Variants in SLC24A3 observed in about 807,000 individuals in gnomAD.
SLC24A3 encodes sodium/potassium/calcium exchanger 3.
SLC24A3 carries 28 observed loss-of-function variants against 75.8 expected under a neutral mutation model. The observed-to-expected ratio is 0.37, with a 90% confidence interval of 0.27 to 0.51. SLC24A3 has a LOEUF of 0.51. Among genes scored for constraint, SLC24A3 ranks in the 20% least tolerant of loss-of-function variants. The pLI, the probability that SLC24A3 is intolerant of heterozygous loss-of-function variation, is 0.94. For missense variants in SLC24A3, 663 were observed against 847.8 expected, an observed-to-expected ratio of 0.78 and a Z score of 2.71; for synonymous variants, 372 against 334.1, an observed-to-expected ratio of 1.11 and a Z score of -1.24.
intron 2 of SLC24A3, among the ~76,000 whole-genome samples, chr20:19,481,928 A>G (rs1194960956): frequency 1.3e-5 from 2 of 152,026 alleles, no homozygotes; most frequent in African/African-American, 4.8e-5. Flanking sequence ...TTCAAATGCT[A>G]CATGTCCAAA....
chr20:19,673,518 C>G, intron 8 of SLC24A3, 83 bp from the exon 9 acceptor site: 1 of 1,218,266 alleles, frequency 8.2e-7, no homozygotes, highest in Non-Finnish European at 1.2e-6. Context: ...TGGCCGTTTG[C>G]ATCAAATATG....
intron 2 of SLC24A3, among the ~76,000 whole-genome samples, chr20:19,359,811 C>A (rs1295932711): frequency 1.3e-5 from 2 of 151,962 alleles, no homozygotes; most frequent in African/African-American, 4.8e-5. Flanking sequence ...GGAGGTAATC[C>A]CAGGAAACAC....
intron 1 of SLC24A3, among the ~76,000 whole-genome samples, chr20:19,246,606 T>C (rs929564847): frequency 1.3e-5 from 2 of 152,200 alleles, no homozygotes; most frequent in African/African-American, 4.8e-5. Flanking sequence ...AAGAGATGTA[T>C]AACACTAAAA....
At chr20:19,238,983 C>T (rs1170549877) in intron 1 of SLC24A3, among the ~76,000 whole-genome samples, 1 of 151,620 alleles carries the variant, frequency 6.6e-6, no homozygotes, top group East Asian at 1.9e-4. Context: ...CACACACACA[C>T]ACACACCTGC....
intron 2 of SLC24A3, among the ~76,000 whole-genome samples, chr20:19,380,063 A>G (rs1986155151): frequency 6.6e-6 from 1 of 152,204 alleles, no homozygotes; most frequent in South Asian, 2.1e-4. Context: ...ACAATAATGG[A>G]GGCAGGTAAT....
chr20:19,280,170 G>A (rs887909087), intron 1 of SLC24A3, among the ~76,000 whole-genome samples: 1 of 152,152 alleles, frequency 6.6e-6, no homozygotes, highest in Non-Finnish European at 1.5e-5. Flanking sequence ...CCCCTTCAGT[G>A]TGCTCTTTAG....
chr20:19,541,392 C>T (rs1020855317), intron 3 of SLC24A3, among the ~76,000 whole-genome samples: 2 of 152,212 alleles, frequency 1.3e-5, no homozygotes, highest in African/African-American at 4.8e-5. Context: ...TTTAGGAAAG[C>T]CCATGTCCAG....
intron 6 of SLC24A3, among the ~76,000 whole-genome samples, chr20:19,602,155 CA>C (rs1393616595): frequency 3.3e-5 from 5 of 152,158 alleles, no homozygotes; most frequent in African/African-American, 1.2e-4. Context: ...GCCTGGGCGA[CA>C]AGAGCAAAAC....
At chr20:19,249,802 G>C (rs1399662203) in intron 1 of SLC24A3, among the ~76,000 whole-genome samples, 1 of 152,166 alleles carries the variant, frequency 6.6e-6, no homozygotes, top group Non-Finnish European at 1.5e-5. Context: ...GCGGACTGAA[G>C]CATTAGGGGC....
At chr20:19,570,111 G>T (rs1027730087) in intron 3 of SLC24A3, among the ~76,000 whole-genome samples, 1 of 152,176 alleles carries the variant, frequency 6.6e-6, no homozygotes, top group Non-Finnish European at 1.5e-5. Flanking sequence ...AGTTGTACAA[G>T]CTTCTGCTTC....
chr20:19,557,865 A>G (rs2030814824), intron 3 of SLC24A3, among the ~76,000 whole-genome samples: 1 of 152,152 alleles, frequency 6.6e-6, no homozygotes, highest in Admixed American at 6.5e-5. Context: ...ACCTAAATGG[A>G]ATGTTTTGAA....
At chr20:19,485,108 A>G (rs1018650399) in intron 2 of SLC24A3, among the ~76,000 whole-genome samples, 1 of 152,086 alleles carries the variant, frequency 6.6e-6, no homozygotes, top group Non-Finnish European at 1.5e-5. Context: ...TTTGGATAGT[A>G]TTTTATTTCT....
intron 2 of SLC24A3, among the ~76,000 whole-genome samples, chr20:19,500,977 T>G (rs1458821208): frequency 6.6e-6 from 1 of 152,226 alleles, no homozygotes; most frequent in African/African-American, 2.4e-5. Flanking sequence ...CCACTACCTC[T>G]TGCATTATTT....
chr20:19,647,099 C>T (rs889855165), intron 6 of SLC24A3, among the ~76,000 whole-genome samples: 2 of 152,112 alleles, frequency 1.3e-5, no homozygotes, highest in African/African-American at 4.8e-5. Context: ...CTAGGTGCAG[C>T]TCTCAACCAA....
chr20:19,544,470 C>T lies in SLC24A3; in HGVS notation c.348+28906C>T, dbSNP rs541369126. ...AAAAACAAAATAAGCATAAAAGTAA[C>T]GTGAAATTCTAGCGCTTGTGTACAG... On this transcript the variant is annotated intron_variant, in intron 3 of 16. Coordinates refer to ENST00000328041, the MANE Select transcript of SLC24A3 (RefSeq NM_020689.4). 1.7e-4 allele frequency among the ~76,000 whole-genome samples: 26 copies of T among 152,234 alleles called. 1 individual carries two copies. The highest frequency in any genetic ancestry group is 6.0e-4 in the African/African-American group (25 of 41,546).
chr20:19,263,260 G>T (rs933228637), intron 1 of SLC24A3, among the ~76,000 whole-genome samples: 2 of 152,118 alleles, frequency 1.3e-5, no homozygotes, highest in African/African-American at 4.8e-5. Flanking sequence ...AATGTGGGCT[G>T]GAGAGAAGGA....
intron 7 of SLC24A3, among the ~76,000 whole-genome samples, chr20:19,659,713 G>A (rs906332352): frequency 1.3e-5 from 2 of 152,158 alleles, no homozygotes; most frequent in Non-Finnish European, 2.9e-5. Flanking sequence ...GTTTGCCAGA[G>A]CAGGTGTCTG....
At chr20:19,707,621 A>C (rs938002614) in intron 15 of SLC24A3, among the ~76,000 whole-genome samples, 7 of 152,134 alleles carry the variant, frequency 4.6e-5, no homozygotes, top group Non-Finnish European at 1.0e-4. Context: ...GCTGATGACA[A>C]AAAGAGATTC....
At chr20:19,492,290 G>A (rs1381458243) in intron 2 of SLC24A3, among the ~76,000 whole-genome samples, 4 of 152,158 alleles carry the variant, frequency 2.6e-5, no homozygotes, top group Admixed American at 2.6e-4. Flanking sequence ...AAGAAAACAG[G>A]GTTTTAGATT....
Sources: allele counts gnomAD v4.1 joint callset (sites outside exome capture counted in the v4.1 genomes callset), GRCh38; gene constraint gnomAD v4.1.1; transcripts MANE v1.5; gene names NCBI Gene and HGNC (gene_info 2026-07-23, HGNC 2026-07-21).